The following SPAG16 variants were observed in gnomAD, a reference collection of about 807,000 sequenced individuals.
SPAG16 encodes sperm-associated antigen 16 protein.
Under a neutral mutation model 80.4 loss-of-function variants are expected in SPAG16, and 86 were observed. That is an observed-to-expected ratio of 1.07 (90% CI 0.90 to 1.28). The LOEUF is 1.28. SPAG16 is among the 50% of genes most tolerant of loss of function. The pLI is 0.00. For missense variants in SPAG16, 870 were observed against 765.3 expected (o/e 1.14, Z -1.61); for synonymous variants, 294 against 265.9 (o/e 1.11, Z -1.03).
chr2:213,748,022 C>A (rs766093718), intron 10 of SPAG16, among the ~76,000 whole-genome samples: 4 of 151,606 alleles, frequency 2.6e-5, no homozygotes, highest in Non-Finnish European at 5.9e-5. Flanking sequence ...GTTAATAATA[C>A]CCTTGTCTTT....
At chr2:213,613,674 T>C (rs1040658506) in intron 10 of SPAG16, among the ~76,000 whole-genome samples, 2 of 152,204 alleles carry the variant, frequency 1.3e-5, no homozygotes, top group Non-Finnish European at 2.9e-5. Flanking sequence ...ATTTTTTAGT[T>C]AGGTTTATTG....
chr2:214,132,709 A>T (rs991452926), intron 14 of SPAG16, among the ~76,000 whole-genome samples: 14 of 152,218 alleles, frequency 9.2e-5, no homozygotes, highest in African/African-American at 3.4e-4. Context: ...TTTGAGGAAT[A>T]GCCAATAGAG....
intron 10 of SPAG16, among the ~76,000 whole-genome samples, chr2:213,556,312 C>CAAAAAAAAAAAA (rs35010847): frequency 1.8e-5 from 2 of 112,836 alleles, no homozygotes; most frequent in Non-Finnish European, 3.6e-5. Flanking sequence ...AAAAAAAAAC[C>CAAAAAAAAAAAA]AAAAAAAAAA....
chr2:213,595,177 GATAGGCTGCTATTCCATCAAAATAAAA>G (rs1191999820), intron 10 of SPAG16, among the ~76,000 whole-genome samples: 1 of 151,948 alleles, frequency 6.6e-6, no homozygotes, highest in Non-Finnish European at 1.5e-5. Context: ...GTATGCAAAT[GATAGGCTGCTATTCCATCAAAATAAAA>G]ATAACACATT....
intron 13 of SPAG16, among the ~76,000 whole-genome samples, chr2:214,075,545 A>G (rs2125241558): frequency 6.6e-6 from 1 of 152,298 alleles, no homozygotes; most frequent in East Asian, 1.9e-4. Flanking sequence ...TTGTGATTTC[A>G]GCACTTTGCT....
At chr2:213,446,230 G>A (rs913547732) in intron 9 of SPAG16, among the ~76,000 whole-genome samples, 2 of 152,180 alleles carry the variant, frequency 1.3e-5, no homozygotes, top group South Asian at 2.1e-4. Context: ...GCTCCTCAGC[G>A]ATGGTTCATA....
chr2:213,862,367 A>G, intron 10 of SPAG16, 118 bp from the exon 11 acceptor site: 2 of 1,282,150 alleles, frequency 1.6e-6, no homozygotes, highest in South Asian at 1.4e-5. Flanking sequence ...TGGGGCCAGT[A>G]CTCTCAAAAC....
At chr2:214,145,590 G>A (rs1204918650) in intron 14 of SPAG16, among the ~76,000 whole-genome samples, 2 of 151,994 alleles carry the variant, frequency 1.3e-5, no homozygotes, top group South Asian at 2.1e-4. Flanking sequence ...ATGTCTATAT[G>A]GTTTTCTCAT....
intron 10 of SPAG16, among the ~76,000 whole-genome samples, chr2:213,527,908 A>G (rs2075945133): frequency 6.6e-6 from 1 of 152,212 alleles, no homozygotes; most frequent in Non-Finnish European, 1.5e-5. Context: ...TTAAACTAGT[A>G]GCAGCAACAT....
chr2:213,423,776 C>T (rs1264311409), intron 9 of SPAG16, among the ~76,000 whole-genome samples: 1 of 151,958 alleles, frequency 6.6e-6, no homozygotes, highest in Non-Finnish European at 1.5e-5. Flanking sequence ...TAATTTTTGC[C>T]AGGTCATTCA....
intron 9 of SPAG16, among the ~76,000 whole-genome samples, chr2:213,384,499 A>G (rs2067325916): frequency 1.3e-5 from 2 of 152,206 alleles, no homozygotes; most frequent in South Asian, 2.1e-4. Context: ...TTATAAAACT[A>G]TGAGTCCCTG....
rs776783110 is a variant in SPAG16 at position 213,586,138 on chromosome 2, C to T, written c.1070+96048C>T. On this transcript the variant is annotated intron_variant, in intron 10 of 15. Transcript: ENST00000331683. ...GAAATCTTACCCCTAGAATAGTTTT[C>T]GGTGGAAAACTGGCTATATGAAATA... Among the ~76,000 whole-genome samples, 13 of 152,208 alleles carry T rather than the reference C, an allele frequency of 8.5e-5. No homozygotes were observed. The Middle Eastern group carries it at 0.024, about 279-fold the overall frequency.
intron 15 of SPAG16, among the ~76,000 whole-genome samples, chr2:214,261,571 A>T (rs1018311357): frequency 1.9e-4 from 29 of 152,170 alleles, no homozygotes; most frequent in African/African-American, 6.0e-4. Context: ...AGTGAAAATT[A>T]GTTAATTTTT....
chr2:213,654,984 A>G (rs2063167634), intron 10 of SPAG16, among the ~76,000 whole-genome samples: 1 of 152,250 alleles, frequency 6.6e-6, no homozygotes, highest in African/African-American at 2.4e-5. Flanking sequence ...GAAAATATAC[A>G]TCGAGCATTA....
intron 15 of SPAG16, among the ~76,000 whole-genome samples, chr2:214,186,737 A>T (rs1039077304): frequency 1.3e-5 from 2 of 151,964 alleles, no homozygotes; most frequent in East Asian, 3.9e-4. Context: ...GAAACATGCA[A>T]TATGCAAGTA....
intron 11 of SPAG16, among the ~76,000 whole-genome samples, chr2:213,890,067 T>C (rs2076729060): frequency 1.3e-5 from 2 of 152,066 alleles, no homozygotes; most frequent in South Asian, 4.1e-4. Flanking sequence ...ATGAAAGTTG[T>C]ACGATTGAGT....
intron 12 of SPAG16, among the ~76,000 whole-genome samples, chr2:213,972,299 T>C (rs1372313071): frequency 3.3e-5 from 5 of 150,970 alleles, no homozygotes; most frequent in Non-Finnish European, 7.4e-5. Context: ...ATATATATAA[T>C]ATAAATCTAT....
At chr2:214,220,569 C>T (rs1180969056) in intron 15 of SPAG16, among the ~76,000 whole-genome samples, 1 of 152,094 alleles carries the variant, frequency 6.6e-6, no homozygotes, top group East Asian at 1.9e-4. Flanking sequence ...TAATTAAACA[C>T]TCTGTGTTCT....
intron 11 of SPAG16, among the ~76,000 whole-genome samples, chr2:213,870,187 C>T (rs1057364017): frequency 6.6e-6 from 1 of 152,102 alleles, no homozygotes; most frequent in African/African-American, 2.4e-5. Flanking sequence ...CAAAGTTTAC[C>T]TCCTTCAGGC....
Sources: gnomAD v4.1 joint callset for allele counts (sites outside exome capture counted in the v4.1 genomes callset) on GRCh38, gnomAD v4.1.1 for gene constraint, MANE v1.5 for transcripts, NCBI Gene and HGNC (gene_info 2026-07-23, HGNC 2026-07-21) for gene names.